Variants in EXOC4 observed in about 807,000 individuals in gnomAD.
EXOC4 encodes the protein exocyst complex component 4.
EXOC4 carries 71 observed loss-of-function variants against 107.2 expected under a neutral mutation model. That is an observed-to-expected ratio of 0.66 (90% CI 0.55 to 0.81). EXOC4 has a LOEUF of 0.81. Among genes scored for constraint, EXOC4 ranks in the 30% least tolerant of loss-of-function variants. The probability of loss-of-function intolerance (pLI) is 0.00; values close to 1 mark genes in which losing one functional copy is unlikely to be tolerated. For synonymous variants in EXOC4, 456 were observed against 441.2 expected (o/e 1.03, Z -0.42); for missense variants, 1,108 against 1,189.6 (o/e 0.93, Z 1.01).
chr7:133,601,433 A>G (rs1801805352), intron 9 of EXOC4, among the ~76,000 whole-genome samples: 2 of 152,082 alleles, frequency 1.3e-5, no homozygotes, highest in African/African-American at 4.8e-5. Flanking sequence ...GGATTAGTTC[A>G]TTCCCTTCAA....
chr7:133,511,917 C>T (rs551159762), intron 9 of EXOC4, among the ~76,000 whole-genome samples: 2 of 152,314 alleles, frequency 1.3e-5, no homozygotes, highest in African/African-American at 4.8e-5. Context: ...ATGCTCCTCT[C>T]CCCGCCCTTC....
chr7:133,704,774 A>G (rs1017807788), intron 10 of EXOC4, among the ~76,000 whole-genome samples: 2 of 152,140 alleles, frequency 1.3e-5, no homozygotes, highest in South Asian at 4.1e-4. Flanking sequence ...ACTGTGTTGT[A>G]CACCTGAAGT....
At chr7:133,491,597 G>A (rs749272082) in intron 9 of EXOC4, among the ~76,000 whole-genome samples, 10 of 152,188 alleles carry the variant, frequency 6.6e-5, no homozygotes, top group Non-Finnish European at 1.2e-4. Flanking sequence ...CACACTGGAG[G>A]TTATGGTGTA....
intron 10 of EXOC4, among the ~76,000 whole-genome samples, chr7:133,661,998 C>G (rs910621882): frequency 2.0e-5 from 3 of 151,972 alleles, no homozygotes; most frequent in Non-Finnish European, 4.4e-5. Flanking sequence ...CTGTGTTGAG[C>G]CTTTTATGTG....
chr7:133,656,574 A>G (rs1397227494), intron 10 of EXOC4, among the ~76,000 whole-genome samples: 1 of 152,200 alleles, frequency 6.6e-6, no homozygotes, highest in African/African-American at 2.4e-5. Flanking sequence ...GAAATGACCC[A>G]TCACAGACAC....
intron 10 of EXOC4, among the ~76,000 whole-genome samples, chr7:133,760,593 C>T (rs947486308): frequency 1.4e-4 from 22 of 152,114 alleles, no homozygotes; most frequent in African/African-American, 3.1e-4. Context: ...GCTCTGATGA[C>T]CACTTCCTTT....
At chr7:133,940,126 C>T (rs556471858) in intron 14 of EXOC4, among the ~76,000 whole-genome samples, 1 of 152,152 alleles carries the variant, frequency 6.6e-6, no homozygotes, top group Non-Finnish European at 1.5e-5. Flanking sequence ...TTTCTAATGA[C>T]ATACCATTCT....
chr7:133,661,594 C>G (rs1428980778), intron 10 of EXOC4, among the ~76,000 whole-genome samples: 2 of 150,428 alleles, frequency 1.3e-5, no homozygotes, highest in Non-Finnish European at 3.0e-5. Context: ...TTGGAGCCCC[C>G]CTCCTTTTGT....
intron 7 of EXOC4, among the ~76,000 whole-genome samples, chr7:133,399,476 C>T (rs1455659395): frequency 6.6e-6 from 1 of 152,226 alleles, no homozygotes; most frequent in African/African-American, 2.4e-5. Flanking sequence ...CAGACTGAAT[C>T]TGTCTAAACA....
At chr7:133,731,634 G>T (rs1386696760) in intron 10 of EXOC4, among the ~76,000 whole-genome samples, 1 of 152,148 alleles carries the variant, frequency 6.6e-6, no homozygotes. Flanking sequence ...ACCTCAGTTT[G>T]AATCCTGACT....
At chr7:133,817,266 C>A in intron 10 of EXOC4, 59 bp from the exon 11 acceptor site, 1 of 1,221,550 alleles carries the variant, frequency 8.2e-7, no homozygotes, top group Non-Finnish European at 1.2e-6. Context: ...GTCCTCATGT[C>A]GTATTTATAT....
At chr7:134,093,184 C>T in the EXOC4 span, among the ~76,000 whole-genome samples, 2 of 152,066 alleles carry the variant, frequency 1.3e-5, no homozygotes, top group South Asian at 2.1e-4. Context: ...ACCCATCTCA[C>T]ACATAATGGT....
chr7:134,003,986 A>G (rs1585314731), intron 15 of EXOC4, among the ~76,000 whole-genome samples: 1 of 152,130 alleles, frequency 6.6e-6, no homozygotes, highest in Non-Finnish European at 1.5e-5. Context: ...GCTGTCAGAT[A>G]TGTTCTGTGA....
chr7:133,471,407 C>T (rs951063493), intron 7 of EXOC4, among the ~76,000 whole-genome samples: 3 of 132,218 alleles, frequency 2.3e-5, no homozygotes, highest in Non-Finnish European at 5.0e-5. Context: ...AGCAAGACTT[C>T]ATCTCAAAAA....
At chr7:133,780,598 C>T (rs1462965852) in intron 10 of EXOC4, among the ~76,000 whole-genome samples, 2 of 152,008 alleles carry the variant, frequency 1.3e-5, no homozygotes, top group African/African-American at 4.8e-5. Flanking sequence ...CAAATGATTC[C>T]TGGGAGAGAT....
intron 10 of EXOC4, among the ~76,000 whole-genome samples, chr7:133,767,106 C>G (rs1274719993): frequency 6.6e-6 from 1 of 151,752 alleles, no homozygotes; most frequent in Non-Finnish European, 1.5e-5. Flanking sequence ...TGACTCTTAC[C>G]TGGTTTTTTT....
At chr7:133,405,516 C>T (rs1320173574) in intron 7 of EXOC4, among the ~76,000 whole-genome samples, 1 of 151,868 alleles carries the variant, frequency 6.6e-6, no homozygotes, top group Non-Finnish European at 1.5e-5. Flanking sequence ...AGCAAATGTA[C>T]CACATTAAGG....
chr7:133,850,390 A>G (rs1055010454), intron 11 of EXOC4, among the ~76,000 whole-genome samples: 26 of 152,096 alleles, frequency 1.7e-4, no homozygotes, highest in Admixed American at 1.3e-3. Context: ...TTCATTTCCA[A>G]GTAGGTTTGG....
intron 11 of EXOC4, among the ~76,000 whole-genome samples, chr7:133,838,275 A>G (rs995260659): frequency 1.3e-5 from 2 of 152,210 alleles, no homozygotes; most frequent in African/African-American, 4.8e-5. Flanking sequence ...TTTATGAAAG[A>G]AAGAAAACAA....
Sources: gnomAD v4.1 joint callset for allele counts (sites outside exome capture counted in the v4.1 genomes callset) on GRCh38, gnomAD v4.1.1 for gene constraint, MANE v1.5 for transcripts, NCBI Gene and HGNC (gene_info 2026-07-23, HGNC 2026-07-21) for gene names.